Variants in FAT1 observed in about 807,000 individuals in gnomAD.
The protein encoded by FAT1 is protocadherin Fat 1.
FAT1 carries 171 observed loss-of-function variants against 329.8 expected under a neutral mutation model. The ratio of observed to expected loss-of-function variants is 0.52; its 90% CI spans 0.46 to 0.59. The LOEUF is 0.59. FAT1 is among the 20% of genes least tolerant of loss of function. The pLI is 0.00. For synonymous variants in FAT1, 2,233 were observed against 2,228.6 expected (o/e 1.00, Z -0.06); for missense variants, 5,672 against 5,774.4 (o/e 0.98, Z 0.57).
In FAT1 at chr4:186,598,178, C is replaced by G. The variant is rs188747847; in HGVS notation, c.12104-53G>C. ...TCCTATCACTCAATGACTCAGAAAC[C>G]TGGTCTTAATTATATTGCTTTTTAT... On this transcript the variant is annotated intron_variant, in intron 22 of 26. Coordinates refer to ENST00000441802, the MANE Select transcript of FAT1 (RefSeq NM_005245.4). The G allele has an allele frequency of 5.2e-4, 767 of 1,483,566 alleles. 6 individuals are homozygous for G. The African/African-American group carries it at 8.7e-3, about 17-fold the overall frequency. The allele number at this position is 1,483,566 out of a possible 1,614,324, so 91.9% of individuals were successfully genotyped here.
In FAT1 at chr4:186,645,961, AAAT is replaced by A. The variant is rs1227390991; in HGVS notation, c.3581-6181_3581-6179del. Among the ~76,000 whole-genome samples, 199 of 108,198 alleles carry A rather than the reference AAAT, an allele frequency of 1.8e-3. 9 individuals are homozygous for A. The highest frequency in any genetic ancestry group is 7.4e-3 in the African/African-American group (188 of 25,534). 71.0% of individuals were successfully genotyped at this position (108,198 alleles called of 152,430 possible). ...ACTGTCTCACAAAAAAAAAAAAAAA[AAAT>A]ATATACACACACACACACACACACA... On this transcript the variant is annotated intron_variant, in intron 3 of 26. Transcript: ENST00000441802.
At chr4:186,647,183 A>C (rs1702994257) in intron 3 of FAT1, among the ~76,000 whole-genome samples, 1 of 152,190 alleles carries the variant, frequency 6.6e-6, no homozygotes, top group Non-Finnish European at 1.5e-5. Context: ...CAACTACCAC[A>C]TGTAAAAGGC....
chr4:186,675,776 G>A (rs978379275), intron 2 of FAT1, among the ~76,000 whole-genome samples: 15 of 116,964 alleles, frequency 1.3e-4, no homozygotes, highest in African/African-American at 3.4e-4. Context: ...ACACGACCCT[G>A]TCTAAAACAC....
chr4:186,682,171 G>C (rs1472946547), intron 2 of FAT1, among the ~76,000 whole-genome samples: 1 of 152,130 alleles, frequency 6.6e-6, no homozygotes, highest in Non-Finnish European at 1.5e-5. Context: ...TCAGGACTAG[G>C]AATCAGGCAC....
chr4:186,611,627 T>C lies in FAT1; in HGVS notation c.9612A>G (p.Gln3204=), dbSNP rs1354115165. ...TGGCAGTCAGCCTCCTTGGCAAGCC[T>C]TGATCCACAGCTTTCAAAGAGAGGG... ...VYTLSLKAVD[Q]GLPRRLTATG... The change falls in exon 14 of 27, where the codon CAA becomes CAG. Residue 3204 remains glutamine, a synonymous_variant. Transcript: ENST00000441802. 2 of 1,613,580 alleles carry C rather than the reference T, an allele frequency of 1.2e-6. No homozygotes were observed. The highest frequency in any genetic ancestry group is 1.7e-6 in the Non-Finnish European group (2 of 1,179,714).
intron 2 of FAT1, among the ~76,000 whole-genome samples, chr4:186,701,070 C>G (rs997078507): frequency 1.3e-5 from 2 of 152,202 alleles, no homozygotes; most frequent in African/African-American, 4.8e-5. Context: ...CCATCCACAG[C>G]CTTTCCAGGC....
intron 3 of FAT1, among the ~76,000 whole-genome samples, chr4:186,644,401 G>A (rs538538667): frequency 6.6e-6 from 1 of 152,100 alleles, no homozygotes; most frequent in Non-Finnish European, 1.5e-5. Flanking sequence ...AAAATAGAAA[G>A]GAAGAAAAAC....
chr4:186,684,447 T>G (rs957896769), intron 2 of FAT1, among the ~76,000 whole-genome samples: 3 of 152,138 alleles, frequency 2.0e-5, no homozygotes, highest in Admixed American at 6.5e-5. Context: ...GTAGGAGACG[T>G]AGGACCATGA....
At chr4:186,653,724 A>T (rs1741774769) in intron 3 of FAT1, among the ~76,000 whole-genome samples, 1 of 152,186 alleles carries the variant, frequency 6.6e-6, no homozygotes, top group South Asian at 2.1e-4. Context: ...TCGTTTATTT[A>T]CAAAGTTTTA....
At position 186,618,718 on chromosome 4, in the gene FAT1, G is replaced by A. The variant is rs748017510; in HGVS notation, c.7868C>T (p.Ala2623Val). 6 of 1,613,844 alleles carry A rather than the reference G, an allele frequency of 3.7e-6. No individual in the cohort carries two copies. The African/African-American group carries it at 8.0e-5, about 22-fold the overall frequency. The part of the protein sequence containing the change: ...TSVVKVLASD[A>V]DEGSNADITY... ...GATGTCGGCATTGGAGCCCTCATCG[G>A]CATCACTTGCAAGAACTTTAACGAC... The change falls in exon 10 of 27, where the codon GCC becomes GTC. Residue 2623 changes from alanine (A) to valine (V), a missense_variant. By Grantham distance (64) the Ala-to-Val change is moderately conservative (BLOSUM62 0). Around this residue, in one of 2 missense-constraint regions of FAT1, gnomAD observed 3,966 missense variants for 3,915.2 expected, o/e 1.01. Coordinates refer to ENST00000441802, the MANE Select transcript of FAT1 (RefSeq NM_005245.4).
rs2126695203 is a variant in FAT1 at position 186,708,278 on chromosome 4, C to T, written c.1550G>A (p.Gly517Asp). 1 of 1,613,982 alleles carries T rather than the reference C, an allele frequency of 6.2e-7. No homozygotes were observed. The highest frequency in any genetic ancestry group is 8.5e-7 in the Non-Finnish European group (1 of 1,179,900). The stretch of plus-strand genomic sequence containing the variant: ...CAGGTTTTCTGACGTACTCACGGCA[C>T]CAGTGAAATGGTCAATCGCAAACGG... ...HVPFAIDHFTGAVSTSENLDY... is the reference protein window; with the variant it reads ...HVPFAIDHFTDAVSTSENLDY... The change falls in exon 2 of 27, where the codon GGT becomes GAT. Residue 517 changes from glycine (G) to aspartate (D), a missense_variant. Coordinates refer to ENST00000441802, the MANE Select transcript of FAT1 (RefSeq NM_005245.4).
chr4:186,617,716 A>G lies in FAT1; in HGVS notation c.8870T>C (p.Phe2957Ser). 6.4e-7 allele frequency: 1 copy of G among 1,561,304 alleles called. No individual in the cohort carries two copies. The highest frequency in any genetic ancestry group is 8.7e-7 in the Non-Finnish European group (1 of 1,156,002). The part of the protein sequence containing the change: ...SEEINRQVTY[F>S]ITGGDPLGQF... ...GTATGAATTTTTTTTACCTGTTATG[A>G]AATATGTAACTTGTCTGTTGATCTC... Residue 2957 changes from phenylalanine (F) to serine (S), a missense_variant, in exon 10 of 27, where the codon TTC (phenylalanine) becomes TCC (serine). This residue lies in a region of FAT1 where 3,966 missense variants were observed against 3,915.2 expected (regional missense o/e 1.01). Coordinates refer to ENST00000441802, the MANE Select transcript of FAT1 (RefSeq NM_005245.4).
Position 186,620,613 on chromosome 4 carries a change from A to G in FAT1, c.5973T>C (p.Asn1991=), listed in dbSNP as rs2126517350. ...QDVYSAVVKE[N]STEAETLAVI... is the part of the protein sequence containing the mutation. ...CAGCTAATGTTTCGGCCTCGGTGGA[A>G]TTCTCTTTCACTACCGCAGAGTAGA... The change falls in exon 10 of 27, where the codon AAT becomes AAC. Residue 1991 remains asparagine (N), a synonymous_variant. Coordinates refer to ENST00000441802, the MANE Select transcript of FAT1 (RefSeq NM_005245.4). 2 of 1,614,022 alleles carry G rather than the reference A, an allele frequency of 1.2e-6. No homozygotes were observed. The highest frequency in any genetic ancestry group is 1.7e-6 in the Non-Finnish European group (2 of 1,179,886).
intron 22 of FAT1, chr4:186,598,742 C>G (rs1738652565): frequency 6.6e-6 from 1 of 151,792 alleles, no homozygotes; most frequent in Non-Finnish European, 1.5e-5. Flanking sequence ...CCCAGGCTGC[C>G]TCACTTCTAG....
At chr4:186,597,242 G>A (rs1579292062) in intron 24 of FAT1, 71 bp from the exon 25 acceptor site, 10 of 1,434,416 alleles carry the variant, frequency 7.0e-6, no homozygotes, top group Admixed American at 2.7e-5. Context: ...TCAATCCTTA[G>A]AGACTGAAGA....
At position 186,619,531 on chromosome 4, in the gene FAT1, T is replaced by C. The variant is rs1372071821; in HGVS notation, c.7055A>G (p.Gln2352Arg). Residue 2352 changes from glutamine to arginine, a missense_variant, in exon 10 of 27, where the codon CAG (glutamine) becomes CGG (arginine). Physicochemically the swap from Gln to Arg is conservative, Grantham distance 43 (BLOSUM62 1). Around this residue, in one of 2 missense-constraint regions of FAT1, gnomAD observed 3,966 missense variants for 3,915.2 expected, o/e 1.01. Transcript: ENST00000441802. Reference protein sequence around the residue: ...ISLLRTLDYEQSRQHTIFVRA... With the variant: ...ISLLRTLDYERSRQHTIFVRA... ...CACAAAAATCGTGTGCTGCCGGGAC[T>C]GCTCGTAATCCAGGGTTCTGAGTAG... 1.9e-6 allele frequency: 3 copies of C among 1,614,020 alleles called. No homozygotes were observed. Among genetic ancestry groups the C allele is most frequent in the African/African-American group, 2.7e-5 (2 of 75,062 alleles).
chr4:186,670,337 G>GA (rs1219638961), intron 2 of FAT1, among the ~76,000 whole-genome samples: 4 of 152,108 alleles, frequency 2.6e-5, no homozygotes, highest in African/African-American at 7.2e-5. Context: ...TCAATCACAA[G>GA]AAAAACTTAA....
chr4:186,620,082 A>C lies in FAT1; in HGVS notation c.6504T>G (p.Val2168=), dbSNP rs2126512216. Reference sequence around the variant, plus strand: ...TATTCATGACAGTGATCGGAACGATAACTTCCGCTGAAAAGGCCGGGTTCC... The same window carrying C: ...TATTCATGACAGTGATCGGAACGATCACTTCCGCTGAAAAGGCCGGGTTCC... ...DGGNPAFSAE[V]IVPITVMNKA... is the part of the protein sequence containing the mutation. Residue 2168 remains valine, a synonymous_variant, in exon 10 of 27, where the codon GTT becomes GTG. Coordinates refer to ENST00000441802, the MANE Select transcript of FAT1 (RefSeq NM_005245.4). 1 of 1,614,022 alleles carries C rather than the reference A, an allele frequency of 6.2e-7. No homozygotes were observed. Among genetic ancestry groups the C allele is most frequent in the Non-Finnish European group, 8.5e-7 (1 of 1,179,894 alleles).
intron 2 of FAT1, among the ~76,000 whole-genome samples, chr4:186,668,457 A>C (rs186235275): frequency 6.6e-6 from 1 of 152,300 alleles, no homozygotes; most frequent in East Asian, 1.9e-4. Context: ...GTTCTTAAAG[A>C]ACGTTGAAAT....
Sources: allele counts gnomAD v4.1 joint callset (sites outside exome capture counted in the v4.1 genomes callset), GRCh38; gene constraint gnomAD v4.1.1; regional missense constraint gnomAD v4.1.1; transcripts MANE v1.5; gene names NCBI Gene and HGNC (gene_info 2026-07-23, HGNC 2026-07-21).